The following WWOX variants were observed in gnomAD, a reference collection of about 807,000 sequenced individuals.
The protein encoded by WWOX is WW domain containing oxidoreductase.
Under a neutral mutation model 46.2 loss-of-function variants are expected in WWOX, and 69 were observed. That is an observed-to-expected ratio of 1.49 (90% CI 1.23 to 1.82). The LOEUF (loss-of-function observed/expected upper bound fraction) is 1.82, where lower values mean the gene tolerates loss of function less well. Ranked by LOEUF, WWOX falls within the 40% of genes most tolerant of loss-of-function variation. WWOX has a pLI of 0.00. For missense variants in WWOX, 919 were observed against 542.6 expected (o/e 1.69, Z -6.89); for synonymous variants, 359 against 202.6 (o/e 1.77, Z -6.56).
At chr16:79,173,072 C>T (rs1433226925) in intron 8 of WWOX, among the ~76,000 whole-genome samples, 3 of 152,144 alleles carry the variant, frequency 2.0e-5, no homozygotes, top group African/African-American at 7.2e-5. Context: ...ATTGGAAAGA[C>T]CTCCAGGATT....
intron 1 of WWOX, among the ~76,000 whole-genome samples, chr16:78,104,231 A>AACAG (rs1555534031): frequency 1.5e-5 from 2 of 130,124 alleles, no homozygotes; most frequent in East Asian, 4.6e-4. Flanking sequence ...CTGTGCTCAA[A>AACAG]ACACACACAC....
chr16:78,487,949 A>G (rs560785482), intron 8 of WWOX, among the ~76,000 whole-genome samples: 5 of 152,312 alleles, frequency 3.3e-5, no homozygotes, highest in African/African-American at 9.6e-5. Flanking sequence ...TTTCTACCCT[A>G]GGATCATTAT....
At chr16:78,641,268 C>G (rs1163357774) in intron 8 of WWOX, among the ~76,000 whole-genome samples, 1 of 151,954 alleles carries the variant, frequency 6.6e-6, no homozygotes, top group African/African-American at 2.4e-5. Context: ...GGCAGAGAAG[C>G]CCCCAGACCG....
In WWOX at chr16:78,876,058, T is replaced by C. The variant is rs368165846; in HGVS notation, c.1057-335550T>C. On this transcript the variant is annotated intron_variant, in intron 8 of 8. Coordinates refer to ENST00000566780, the MANE Select transcript of WWOX (RefSeq NM_016373.4). ...TCCATGGTACTATATACACTGCAGA[T>C]GGACAGCTGCCAACCTGCTCTTTTT... Among the ~76,000 whole-genome samples the C allele has an allele frequency of 1.6e-4, 24 of 152,310 alleles. No individual in the cohort carries two copies. In the East Asian group the frequency reaches 2.5e-3, roughly 16 times the overall value.
intron 4 of WWOX, among the ~76,000 whole-genome samples, chr16:78,162,768 C>G (rs549882955): frequency 2.1e-4 from 32 of 152,168 alleles, no homozygotes; most frequent in Non-Finnish European, 3.7e-4. Flanking sequence ...TCATATGTCT[C>G]TTTTGTGCTT....
At chr16:78,649,958 T>G (rs993286134) in intron 8 of WWOX, among the ~76,000 whole-genome samples, 7 of 152,220 alleles carry the variant, frequency 4.6e-5, no homozygotes, top group Non-Finnish European at 1.0e-4. Flanking sequence ...TTCATTTCTC[T>G]TATCTGTAAT....
intron 5 of WWOX, among the ~76,000 whole-genome samples, chr16:78,185,920 C>A (rs574778694): frequency 1.3e-5 from 2 of 152,168 alleles, no homozygotes; most frequent in Non-Finnish European, 2.9e-5. Flanking sequence ...CCCGCCTCGG[C>A]CTCCGAAAGC....
At chr16:78,602,516 G>T (rs2045645460) in intron 8 of WWOX, among the ~76,000 whole-genome samples, 1 of 152,176 alleles carries the variant, frequency 6.6e-6, no homozygotes, top group South Asian at 2.1e-4. Flanking sequence ...ACAGGTGCTA[G>T]CCACCACACC....
At chr16:79,101,573 C>T (rs1470066039) in intron 8 of WWOX, 5 of 152,092 alleles carry the variant, frequency 3.3e-5, no homozygotes, top group Admixed American at 3.3e-4. Context: ...TCTTATCTAG[C>T]ATCCCTGGTG....
chr16:78,561,961 T>C (rs1394740493), intron 8 of WWOX, among the ~76,000 whole-genome samples: 1 of 127,720 alleles, frequency 7.8e-6, no homozygotes, highest in Non-Finnish European at 1.6e-5. Context: ...AAAAGCGCAA[T>C]GACTTTTGCA....
intron 8 of WWOX, among the ~76,000 whole-genome samples, chr16:78,914,231 T>G (rs1340071143): frequency 1.3e-5 from 2 of 152,046 alleles, no homozygotes; most frequent in African/African-American, 2.4e-5. Flanking sequence ...TGTCTATCCA[T>G]CCGTCTATTC....
intron 8 of WWOX, among the ~76,000 whole-genome samples, chr16:79,178,972 T>C (rs2050856603): frequency 6.6e-6 from 1 of 152,220 alleles, no homozygotes; most frequent in Non-Finnish European, 1.5e-5. Context: ...AATGTGAGTT[T>C]ATCATACTCC....
At chr16:78,610,162 G>C (rs945907039) in intron 8 of WWOX, among the ~76,000 whole-genome samples, 1 of 152,114 alleles carries the variant, frequency 6.6e-6, no homozygotes, top group African/African-American at 2.4e-5. Flanking sequence ...GGTTTTTAAT[G>C]GATTCGCTTG....
At chr16:78,178,488 A>G (rs1465612509) in intron 5 of WWOX, among the ~76,000 whole-genome samples, 2 of 152,186 alleles carry the variant, frequency 1.3e-5, no homozygotes, top group Non-Finnish European at 2.9e-5. Flanking sequence ...TCTTATGGGT[A>G]GTGATGGGCA....
At chr16:79,019,157 C>CAAAAAAAAAAAAAA (rs903333994) in intron 8 of WWOX, among the ~76,000 whole-genome samples, 2 of 24,566 alleles carry the variant, frequency 8.1e-5, no homozygotes, top group African/African-American at 1.5e-4. Context: ...GACCTTGTCT[C>CAAAAAAAAAAAAAA]AAAAAAAAAA....
At chr16:79,018,760 G>C (rs1448526083) in intron 8 of WWOX, among the ~76,000 whole-genome samples, 1 of 152,168 alleles carries the variant, frequency 6.6e-6, no homozygotes, top group Non-Finnish European at 1.5e-5. Flanking sequence ...TTTTCGGCAA[G>C]TGGTTCTGTG....
At chr16:79,098,624 G>C (rs2049126849) in intron 8 of WWOX, among the ~76,000 whole-genome samples, 1 of 152,176 alleles carries the variant, frequency 6.6e-6, no homozygotes, top group Non-Finnish European at 1.5e-5. Context: ...TAAAGAGTAA[G>C]AAGAATGGTT....
intron 8 of WWOX, among the ~76,000 whole-genome samples, chr16:78,828,164 A>C (rs997775463): frequency 3.9e-5 from 6 of 152,154 alleles, no homozygotes; most frequent in Non-Finnish European, 7.4e-5. Context: ...AGGCCAGCTA[A>C]TCTAATCTGT....
In WWOX at chr16:78,533,331, C is replaced by T. The variant is rs116447634; in HGVS notation, c.1056+100579C>T. ...CAGTTGAGTCTAACATAGGGGTGTC[C>T]AAACTTTTGGCTTCCCTGGGCCACA... is the stretch of plus-strand genomic sequence containing the variant. On this transcript the variant is annotated intron_variant, in intron 8 of 8. Transcript: ENST00000566780. Among the ~76,000 whole-genome samples, 659 of 151,934 alleles carry T rather than the reference C, an allele frequency of 4.3e-3. 5 individuals are homozygous for T. The highest frequency in any genetic ancestry group is 0.015 in the African/African-American group (626 of 41,414).
Sources: gnomAD v4.1 joint callset for allele counts (sites outside exome capture counted in the v4.1 genomes callset) on GRCh38, gnomAD v4.1.1 for gene constraint, MANE v1.5 for transcripts, NCBI Gene and HGNC (gene_info 2026-07-23, HGNC 2026-07-21) for gene names.